TPST2: variants seen among roughly 807,000 people sequenced by gnomAD.
The protein encoded by TPST2 is protein-tyrosine sulfotransferase 2.
TPST2 carries 16 observed loss-of-function variants against 27.8 expected under a neutral mutation model. That is an observed-to-expected ratio of 0.58 (90% CI 0.39 to 0.88). The LOEUF is 0.88. Among genes scored for constraint, TPST2 ranks in the 40% least tolerant of loss-of-function variants. The pLI is 0.00. For missense variants in TPST2, 464 were observed against 543.1 expected, an observed-to-expected ratio of 0.85 and a Z score of 1.45; for synonymous variants, 229 against 231.7, an observed-to-expected ratio of 0.99 and a Z score of 0.10.
intron 1 of TPST2, among the ~76,000 whole-genome samples, chr22:26,558,023 G>C (rs905732514): frequency 6.7e-6 from 1 of 149,926 alleles, no homozygotes; most frequent in African/African-American, 2.4e-5. Flanking sequence ...CTCTGGCCTG[G>C]TTGACAGAGG....
chr22:26,561,981 G>C (rs978674985), intron 1 of TPST2, among the ~76,000 whole-genome samples: 57 of 152,300 alleles, frequency 3.7e-4, no homozygotes, highest in African/African-American at 1.3e-3. Flanking sequence ...AACTCCCACA[G>C]GCTACACCCC....
intron 1 of TPST2, among the ~76,000 whole-genome samples, chr22:26,558,087 T>A (rs979515227): frequency 1.4e-5 from 2 of 145,856 alleles, no homozygotes; most frequent in African/African-American, 2.5e-5. Flanking sequence ...ATATATATAT[T>A]GTATAAAAAT....
At chr22:26,575,512 C>A (rs930673490) in intron 1 of TPST2, among the ~76,000 whole-genome samples, 1 of 152,202 alleles carries the variant, frequency 6.6e-6, no homozygotes, top group East Asian at 1.9e-4. Flanking sequence ...CATTTCTATA[C>A]CTCCCCTTGT....
intron 1 of TPST2, among the ~76,000 whole-genome samples, chr22:26,571,276 C>T (rs908322255): frequency 1.3e-5 from 2 of 152,300 alleles, no homozygotes; most frequent in South Asian, 4.1e-4. Flanking sequence ...GCCCGCTGCC[C>T]GGATGCCCTT....
At chr22:26,579,442 C>T (rs1927999223) in intron 1 of TPST2, among the ~76,000 whole-genome samples, 1 of 152,146 alleles carries the variant, frequency 6.6e-6, no homozygotes, top group Non-Finnish European at 1.5e-5. Flanking sequence ...GAAGGGAGGG[C>T]CCTGGGGGCG....
At chr22:26,579,077 CCT>C (rs1927983963) in intron 1 of TPST2, among the ~76,000 whole-genome samples, 1 of 152,130 alleles carries the variant, frequency 6.6e-6, no homozygotes, top group East Asian at 1.9e-4. Flanking sequence ...GTCTTGAACC[CCT>C]GAGCTCACGC....
intron 1 of TPST2, among the ~76,000 whole-genome samples, chr22:26,583,941 G>C (rs1928232690): frequency 6.6e-6 from 1 of 152,248 alleles, no homozygotes; most frequent in Non-Finnish European, 1.5e-5. Flanking sequence ...GCACTTACGT[G>C]ACAATGGGGA....
chr22:26,575,852 C>T (rs184660583), intron 1 of TPST2, among the ~76,000 whole-genome samples: 3 of 151,996 alleles, frequency 2.0e-5, no homozygotes, highest in East Asian at 3.9e-4. Flanking sequence ...AAAAATTAGC[C>T]GGGCCTGGTG....
At chr22:26,588,658 G>T (rs530075719) in intron 1 of TPST2, among the ~76,000 whole-genome samples, 17 of 152,172 alleles carry the variant, frequency 1.1e-4, no homozygotes, top group Admixed American at 1.0e-3. Context: ...GGGGTGGGGG[G>T]ATTCAGAAAT....
At chr22:26,564,602 C>A (rs999065695) in intron 1 of TPST2, among the ~76,000 whole-genome samples, 2 of 152,204 alleles carry the variant, frequency 1.3e-5, no homozygotes, top group African/African-American at 4.8e-5. Flanking sequence ...CCACTCACTG[C>A]AGAAGGCTGC....
At chr22:26,531,117 T>C (rs994307123) in intron 5 of TPST2, among the ~76,000 whole-genome samples, 1 of 152,188 alleles carries the variant, frequency 6.6e-6, no homozygotes, top group Non-Finnish European at 1.5e-5. Flanking sequence ...TTTTGTTGCT[T>C]TTAGGAACAA....
At chr22:26,563,678 A>G (rs1309121083) in intron 1 of TPST2, among the ~76,000 whole-genome samples, 1 of 151,792 alleles carries the variant, frequency 6.6e-6, no homozygotes, top group Admixed American at 6.6e-5. Flanking sequence ...GGAACAACAC[A>G]CCATTCAGTT....
intron 1 of TPST2, among the ~76,000 whole-genome samples, chr22:26,570,752 T>C (rs1322272351): frequency 6.6e-6 from 1 of 151,294 alleles, no homozygotes; most frequent in Non-Finnish European, 1.5e-5. Context: ...AGCAGCAGCA[T>C]ACCCCACCTG....
intron 1 of TPST2, among the ~76,000 whole-genome samples, chr22:26,571,415 C>T (rs1200324303): frequency 1.3e-5 from 2 of 152,084 alleles, no homozygotes; most frequent in African/African-American, 4.8e-5. Context: ...TCCAGAAGCC[C>T]TCACCCTGCG....
chr22:26,547,036 G>A (rs1926159131), intron 1 of TPST2, among the ~76,000 whole-genome samples: 1 of 152,194 alleles, frequency 6.6e-6, no homozygotes, highest in Non-Finnish European at 1.5e-5. Context: ...GCTGGGCAGT[G>A]CTGATTAGAG....
At position 26,549,858 on chromosome 22, in the gene TPST2, C is replaced by A. The variant is rs546239714; in HGVS notation, c.-160-5183G>T. ...ATCCTGGCTAACACGGTGAAACCCC[C>A]CTCTCTACTAAAAAAAAAAAAAAAA... is the stretch of plus-strand genomic sequence containing the variant. On this transcript the variant is annotated intron_variant, in intron 1 of 6. Transcript: ENST00000338754. 5.0e-4 allele frequency among the ~76,000 whole-genome samples: 69 copies of A among 138,484 alleles called. No homozygotes were observed. In the East Asian group the frequency reaches 0.012, roughly 25 times the overall value. 90.9% of individuals were successfully genotyped at this position (138,484 alleles called of 152,430 possible). A position where few individuals can be genotyped will look rare whatever the true frequency, so the allele number is the denominator to read the frequency against.
chr22:26,583,519 T>C (rs1311420987), intron 1 of TPST2, among the ~76,000 whole-genome samples: 2 of 143,394 alleles, frequency 1.4e-5, no homozygotes, highest in African/African-American at 5.2e-5. Flanking sequence ...TCCAATATCC[T>C]AGAAACACAG....
intron 1 of TPST2, chr22:26,555,178 C>T (rs1272241214): frequency 1.9e-6 from 1 of 533,544 alleles, no homozygotes; most frequent in Non-Finnish European, 3.8e-6. Flanking sequence ...AGCGCTGCCC[C>T]TTGCTCCCTC....
chr22:26,576,378 G>A (rs1274692557), intron 1 of TPST2, among the ~76,000 whole-genome samples: 3 of 152,152 alleles, frequency 2.0e-5, no homozygotes, highest in Admixed American at 1.3e-4. Flanking sequence ...ACAGGAGATT[G>A]ACACCCAAGT....
Sources: gnomAD v4.1 joint callset for allele counts (sites outside exome capture counted in the v4.1 genomes callset) on GRCh38, gnomAD v4.1.1 for gene constraint, MANE v1.5 for transcripts, NCBI Gene and HGNC (gene_info 2026-07-23, HGNC 2026-07-21) for gene names.